RGS5: variants seen among roughly 807,000 people sequenced by gnomAD.
RGS5 encodes regulator of G-protein signalling 5.
In RGS5, 20 loss-of-function variants were observed where a neutral mutation model predicts 18.9. The ratio of observed to expected loss-of-function variants is 1.06; its 90% CI spans 0.74 to 1.54. RGS5 has a LOEUF of 1.54. Ranked by LOEUF, RGS5 falls within the 40% of genes most tolerant of loss-of-function variation. RGS5 has a pLI of 0.00. For missense variants in RGS5, 201 were observed against 211.8 expected, an observed-to-expected ratio of 0.95 and a Z score of 0.32; for synonymous variants, 57 against 76.2, an observed-to-expected ratio of 0.75 and a Z score of 1.31.
At chr1:163,202,313 A>AT (rs1262465929) in intron 1 of RGS5, among the ~76,000 whole-genome samples, 4 of 152,130 alleles carry the variant, frequency 2.6e-5, no homozygotes, top group African/African-American at 9.7e-5. Context: ...ATATATATTA[A>AT]TTCATTCAGT....
At chr1:163,253,261 C>A (rs564324816) in intron 2 of RGS5, among the ~76,000 whole-genome samples, 24 of 152,206 alleles carry the variant, frequency 1.6e-4, no homozygotes, top group Admixed American at 1.0e-3. Context: ...TTTCTGATCT[C>A]AATCAAAACT....
At chr1:163,169,635 G>A (rs1658213161) in intron 1 of RGS5, among the ~76,000 whole-genome samples, 1 of 152,074 alleles carries the variant, frequency 6.6e-6, no homozygotes, top group Non-Finnish European at 1.5e-5. Flanking sequence ...ATTTTTTCAT[G>A]TGTTTTTTGG....
intron 2 of RGS5, chr1:163,300,339 T>G (rs1649520868): frequency 6.6e-6 from 1 of 152,248 alleles, no homozygotes; most frequent in South Asian, 2.1e-4. Flanking sequence ...CTTCTCATTG[T>G]TCCCAGACAT....
At chr1:163,290,631 A>G (rs1357740405) in intron 2 of RGS5, among the ~76,000 whole-genome samples, 1 of 149,988 alleles carries the variant, frequency 6.7e-6, no homozygotes, top group Non-Finnish European at 1.5e-5. Context: ...GATCTTGTCC[A>G]GAAGACATGT....
At chr1:163,291,572 A>G (rs930423429) in intron 2 of RGS5, among the ~76,000 whole-genome samples, 1 of 152,198 alleles carries the variant, frequency 6.6e-6, no homozygotes, top group African/African-American at 2.4e-5. Context: ...TAACATCACT[A>G]TTATAGAATC....
At chr1:163,163,179 T>C (rs1657885166) in intron 2 of RGS5, among the ~76,000 whole-genome samples, 1 of 152,138 alleles carries the variant, frequency 6.6e-6, no homozygotes, top group Non-Finnish European at 1.5e-5. Context: ...GCAGTAGGTT[T>C]TGGGCTAAAG....
rs143616861 is a variant in RGS5 at position 163,290,748 on chromosome 1, G to A, written c.-281+15485C>T. On this transcript the variant is annotated intron_variant, in intron 2 of 5. Transcript: ENST00000618415. ...GATCAGATTTCAAATATCAGAAAAC[G>A]TGCTTCTCTTGATTCCTCTTTCATA... Among the ~76,000 whole-genome samples the A allele has an allele frequency of 1.4e-4, 22 of 151,878 alleles. No individual in the cohort carries two copies. The East Asian group carries it at 2.7e-3, about 19-fold the overall frequency.
At chr1:163,243,783 G>T (rs1049374816) in intron 2 of RGS5, among the ~76,000 whole-genome samples, 2 of 130,954 alleles carry the variant, frequency 1.5e-5, no homozygotes, top group Non-Finnish European at 3.3e-5. Flanking sequence ...AAAAAAAAAA[G>T]AAGGAGGAGG....
At chr1:163,252,681 T>C (rs1160921016) in intron 2 of RGS5, among the ~76,000 whole-genome samples, 1 of 152,160 alleles carries the variant, frequency 6.6e-6, no homozygotes, top group Non-Finnish European at 1.5e-5. Context: ...GAATGCACCA[T>C]TCTCCTGACT....
At chr1:163,242,967 T>C (rs1647828655) in intron 2 of RGS5, among the ~76,000 whole-genome samples, 1 of 152,240 alleles carries the variant, frequency 6.6e-6, no homozygotes, top group Non-Finnish European at 1.5e-5. Flanking sequence ...TTTTACTATG[T>C]GTTTGCAAAC....
chr1:163,285,576 A>AAT (rs1012586593), intron 2 of RGS5, among the ~76,000 whole-genome samples: 1 of 151,800 alleles, frequency 6.6e-6, no homozygotes, highest in Non-Finnish European at 1.5e-5. Context: ...AACAACAACA[A>AAT]ATATATATAT....
rs1035835062 is a variant in RGS5, at chr1:163,144,982, T to C, written c.*2360A>G. 1 of 152,166 alleles carries C rather than the reference T, an allele frequency of 6.6e-6. No individual in the cohort carries two copies. Among genetic ancestry groups the C allele is most frequent in the Non-Finnish European group, 1.5e-5 (1 of 68,022 alleles). The allele number at this position is 152,166 out of a possible 1,614,324, so 9.4% of individuals were successfully genotyped here. Reference sequence around the variant, plus strand: ...AAGATTATATAGATGTAGATATAGATAGATAGATATATGTAGATATATAGA... The same window carrying C: ...AAGATTATATAGATGTAGATATAGACAGATAGATATATGTAGATATATAGA... On this transcript the variant is annotated 3_prime_UTR_variant, in exon 5 of 5. Transcript: ENST00000313961.
chr1:163,276,966 C>A (rs972419993), intron 2 of RGS5, among the ~76,000 whole-genome samples: 1 of 152,134 alleles, frequency 6.6e-6, no homozygotes, highest in Non-Finnish European at 1.5e-5. Context: ...TATCCTCCTC[C>A]CTTTTGGACT....
intron 2 of RGS5, among the ~76,000 whole-genome samples, chr1:163,232,218 T>G (rs1219812115): frequency 3.9e-5 from 6 of 152,202 alleles, no homozygotes; most frequent in Non-Finnish European, 1.5e-5. Flanking sequence ...GGATGAAGAT[T>G]TGTCAATTGT....
At chr1:163,262,220 A>G (rs2101706435) in intron 2 of RGS5, among the ~76,000 whole-genome samples, 1 of 122,934 alleles carries the variant, frequency 8.1e-6, no homozygotes, top group South Asian at 3.0e-4. Context: ...GGTTTGTTAC[A>G]TATGTATACA....
At chr1:163,227,446 A>T (rs1647364148) in intron 2 of RGS5, among the ~76,000 whole-genome samples, 1 of 152,146 alleles carries the variant, frequency 6.6e-6, no homozygotes, top group African/African-American at 2.4e-5. Context: ...CTTACTCATT[A>T]TCACGAGAAC....
chr1:163,165,237 A>G (rs1657989153), intron 2 of RGS5, among the ~76,000 whole-genome samples: 1 of 152,252 alleles, frequency 6.6e-6, no homozygotes, highest in African/African-American at 2.4e-5. Flanking sequence ...CCACTAGCAC[A>G]GGCTAGGTAC....
chr1:163,163,373 T>C (rs2661273), intron 2 of RGS5, among the ~76,000 whole-genome samples: 119,126 of 152,080 alleles, frequency 0.78, 46,987 homozygotes, highest in East Asian at 0.91. Flanking sequence ...TGGCTAGAAA[T>C]ACAGGCATCA....
chr1:163,240,242 C>T (rs543898859), intron 2 of RGS5, among the ~76,000 whole-genome samples: 55 of 150,964 alleles, frequency 3.6e-4, no homozygotes, highest in African/African-American at 1.3e-3. Flanking sequence ...CAAATAAGTA[C>T]GGAATGGTCA....
Sources: gnomAD v4.1 joint callset for allele counts (sites outside exome capture counted in the v4.1 genomes callset) on GRCh38, gnomAD v4.1.1 for gene constraint, MANE v1.5 for transcripts, NCBI Gene and HGNC (gene_info 2026-07-23, HGNC 2026-07-21) for gene names.